Variants in ZMYND8 observed in about 807,000 individuals in gnomAD.
ZMYND8 encodes zinc finger MYND-type containing 8.
Under a neutral mutation model 140.8 loss-of-function variants are expected in ZMYND8, and 37 were observed. That is an observed-to-expected ratio of 0.26 (90% CI 0.20 to 0.35). ZMYND8 has a LOEUF of 0.35. Among genes scored for constraint, ZMYND8 ranks in the 10% least tolerant of loss-of-function variants. The pLI is 1.00. For synonymous variants in ZMYND8, 592 were observed against 597.1 expected, an observed-to-expected ratio of 0.99 and a Z score of 0.12; for missense variants, 1,068 against 1,570.0, an observed-to-expected ratio of 0.68 and a Z score of 5.40.
intron 2 of ZMYND8, among the ~76,000 whole-genome samples, chr20:47,343,910 G>GAAGA (rs1022218663): frequency 6.7e-6 from 1 of 149,232 alleles, no homozygotes; most frequent in Non-Finnish European, 1.5e-5. Context: ...GATGGAAAGA[G>GAAGA]AAGAAAGACA....
chr20:47,350,469 G>GT (rs142069931), intron 1 of ZMYND8, among the ~76,000 whole-genome samples: 2,378 of 148,014 alleles, frequency 0.016, 68 homozygotes, highest in African/African-American at 0.053. Flanking sequence ...GTGTGTGTGT[G>GT]TTTTTTTTTG....
chr20:47,306,318 C>T (rs1302772450), intron 3 of ZMYND8, among the ~76,000 whole-genome samples: 3 of 151,834 alleles, frequency 2.0e-5, no homozygotes, highest in Admixed American at 1.3e-4. Context: ...TTGCTTGAGC[C>T]GGGGAGGTCG....
At chr20:47,263,549 G>A (rs910577750) in intron 11 of ZMYND8, among the ~76,000 whole-genome samples, 1 of 152,212 alleles carries the variant, frequency 6.6e-6, no homozygotes, top group African/African-American at 2.4e-5. Context: ...TCTGGTGCCA[G>A]GACCTGCCTG....
At chr20:47,264,090 T>C (rs1039356627) in intron 11 of ZMYND8, among the ~76,000 whole-genome samples, 10 of 152,142 alleles carry the variant, frequency 6.6e-5, no homozygotes, top group Non-Finnish European at 1.5e-5. Flanking sequence ...GAAAGAGTTA[T>C]CTGGCCCCAA....
intron 4 of ZMYND8, among the ~76,000 whole-genome samples, chr20:47,295,325 G>A (rs767751038): frequency 4.2e-4 from 64 of 152,292 alleles, no homozygotes; most frequent in Admixed American, 1.4e-3. Context: ...CCTGGGAGGC[G>A]GAGGCTGCAG....
At position 47,347,944 on chromosome 20, in the gene ZMYND8, A is replaced by T. The variant is rs201586713; in HGVS notation, c.15-18T>A. ...CAGCCAAGCTGAAACAGAGCAAATT[A>T]TGTTCATGTTTAGGAAGGCTGAGAA... On this transcript the variant is annotated intron_variant, in intron 1 of 22. Transcript: ENST00000471951. 1 of 1,613,284 alleles carries T rather than the reference A, an allele frequency of 6.2e-7. No homozygotes were observed.
At chr20:47,260,114 C>A (rs1338747001) in intron 12 of ZMYND8, among the ~76,000 whole-genome samples, 1 of 152,192 alleles carries the variant, frequency 6.6e-6, no homozygotes, top group Non-Finnish European at 1.5e-5. Flanking sequence ...GGGCCCTGTT[C>A]TACATTTTGT....
In ZMYND8 at chr20:47,263,798, G is replaced by A. The variant is rs576991036; in HGVS notation, c.1481-1370C>T. On this transcript the variant is annotated intron_variant, in intron 11 of 22. Transcript: ENST00000471951. ...TAGCTACATCTCATCAGGCTGCCGT[G>A]AGGATTAAATCAATCATCTGAACAG... is the stretch of plus-strand genomic sequence containing the variant. 3.9e-5 allele frequency among the ~76,000 whole-genome samples: 6 copies of A among 152,338 alleles called. 1 individual carries two copies. Among genetic ancestry groups the A allele is most frequent in the African/African-American group, 9.6e-5 (4 of 41,584 alleles).
chr20:47,225,454 G>A (rs775015150), intron 18 of ZMYND8, among the ~76,000 whole-genome samples: 7 of 148,472 alleles, frequency 4.7e-5, no homozygotes, highest in East Asian at 2.0e-4. Context: ...TTGGGAGGCC[G>A]AGGCAGGAGA....
rs2148629295 is a variant in ZMYND8, at chr20:47,351,639, C to A, written c.15-3713G>T. The A allele has an allele frequency of 1.4e-5, 14 of 980,932 alleles. No homozygotes were observed. The South Asian group carries it at 6.1e-4, about 43-fold the overall frequency. The allele number at this position is 980,932 out of a possible 1,614,324, so 60.8% of individuals were successfully genotyped here. A position where few individuals can be genotyped will look rare whatever the true frequency, so the allele number is the denominator to read the frequency against. On this transcript the variant is annotated intron_variant, in intron 1 of 22. Transcript: ENST00000471951. ...AATTAAAAACCATGCTTCCCTAAATCTACAATTAATTTTTTAAGAAATTGG... is the reference window on the plus strand; with the variant it reads ...AATTAAAAACCATGCTTCCCTAAATATACAATTAATTTTTTAAGAAATTGG...
At chr20:47,310,848 T>A (rs914306079) in intron 2 of ZMYND8, among the ~76,000 whole-genome samples, 12 of 150,426 alleles carry the variant, frequency 8.0e-5, no homozygotes, top group South Asian at 2.1e-4. Flanking sequence ...CAGATACAGC[T>A]GAGTAACAGC....
At chr20:47,263,795 C>T (rs6124985) in intron 11 of ZMYND8, among the ~76,000 whole-genome samples, 37,977 of 152,090 alleles carry the variant, frequency 0.25, 6,812 homozygotes, top group African/African-American at 0.51. Flanking sequence ...ATCAGGCTGC[C>T]GTGAGGATTA....
chr20:47,327,989 T>A lies in ZMYND8; in HGVS notation c.86-17785A>T, dbSNP rs563576766. Among the ~76,000 whole-genome samples the A allele has an allele frequency of 2.6e-5, 4 of 152,154 alleles. No individual in the cohort carries two copies. In the South Asian group the frequency reaches 8.3e-4, roughly 32 times the overall value. On this transcript the variant is annotated intron_variant, in intron 2 of 22. Coordinates refer to ENST00000471951, the MANE Select transcript of ZMYND8 (RefSeq NM_001281775.3). The stretch of plus-strand genomic sequence containing the variant: ...GCCACCAAGCTCAGCAATTTTTTTT[T>A]ATTTCAGAGATGAGGTCTCACTATG...
chr20:47,313,681 C>G (rs766431301), intron 2 of ZMYND8, among the ~76,000 whole-genome samples: 7 of 151,716 alleles, frequency 4.6e-5, no homozygotes, highest in Non-Finnish European at 7.4e-5. Context: ...CCTGTAATCT[C>G]AGCACTTTGG....
chr20:47,220,420 C>T (rs1600916897), intron 20 of ZMYND8, 96 bp from the exon 21 acceptor site: 3 of 1,001,986 alleles, frequency 3.0e-6, no homozygotes, highest in Non-Finnish European at 4.5e-6. Flanking sequence ...CTCATCGCTG[C>T]CCCCAAAGCA....
At position 47,218,905 on chromosome 20, in the gene ZMYND8, GTGAAA is replaced by G. The variant is rs542287849; in HGVS notation, c.3484+1348_3484+1352del. 3.3e-5 allele frequency among the ~76,000 whole-genome samples: 5 copies of G among 152,166 alleles called. No individual in the cohort carries two copies. The South Asian group carries it at 8.3e-4, about 25-fold the overall frequency. ...TCCTCCATGCACTCAATATGCAGAAGTGAAATGAAATGTTTGCTTTTCAGCTCAAG... is the reference window on the plus strand; with the variant it reads ...TCCTCCATGCACTCAATATGCAGAAGTGAAATGTTTGCTTTTCAGCTCAAG... On this transcript the variant is annotated intron_variant, in intron 21 of 22. Transcript: ENST00000471951.
intron 2 of ZMYND8, among the ~76,000 whole-genome samples, chr20:47,310,976 C>T (rs1174767165): frequency 6.6e-6 from 1 of 152,080 alleles, no homozygotes; most frequent in Admixed American, 6.6e-5. Context: ...TTGTTCTTAC[C>T]CCAAAGAAAT....
intron 9 of ZMYND8, 33 bp downstream of exon 9, chr20:47,283,538 G>A (rs766733877): frequency 1.1e-5 from 18 of 1,611,820 alleles, no homozygotes; most frequent in Non-Finnish European, 1.5e-5. Context: ...ACAGGGTTCA[G>A]TAAATGAAAT....
chr20:47,328,736 G>A (rs1395861895), intron 2 of ZMYND8, among the ~76,000 whole-genome samples: 7 of 152,178 alleles, frequency 4.6e-5, no homozygotes, highest in African/African-American at 1.4e-4. Flanking sequence ...GGGATTCCAG[G>A]CATGAGCCAC....
Sources: gnomAD v4.1 joint callset for allele counts (sites outside exome capture counted in the v4.1 genomes callset) on GRCh38, gnomAD v4.1.1 for gene constraint, MANE v1.5 for transcripts, NCBI Gene and HGNC (gene_info 2026-07-23, HGNC 2026-07-21) for gene names.